Variants in CNTNAP2 observed in about 807,000 individuals in gnomAD.
CNTNAP2 encodes contactin-associated protein-like 2.
In CNTNAP2, 98 loss-of-function variants were observed where a neutral mutation model predicts 155.2. The ratio of observed to expected loss-of-function variants is 0.63; its 90% CI spans 0.54 to 0.75. The LOEUF is 0.75. CNTNAP2 is among the 30% of genes least tolerant of loss of function. CNTNAP2 has a pLI of 0.00. For missense variants in CNTNAP2, 1,727 were observed against 1,688.1 expected (o/e 1.02, Z -0.40); for synonymous variants, 651 against 631.2 (o/e 1.03, Z -0.47).
intron 8 of CNTNAP2, among the ~76,000 whole-genome samples, chr7:147,247,414 G>A (rs1804091333): frequency 6.6e-6 from 1 of 152,044 alleles, no homozygotes; most frequent in South Asian, 2.1e-4. Flanking sequence ...ATTAATCTCT[G>A]TTCAATTTCC....
At chr7:147,816,146 C>T (rs1317430256) in intron 13 of CNTNAP2, among the ~76,000 whole-genome samples, 1 of 150,252 alleles carries the variant, frequency 6.7e-6, no homozygotes, top group African/African-American at 2.5e-5. Flanking sequence ...AATTTCCCAT[C>T]CACACAGGAG....
chr7:147,134,131 C>A (rs984966022), intron 8 of CNTNAP2, among the ~76,000 whole-genome samples: 1 of 151,968 alleles, frequency 6.6e-6, no homozygotes, highest in African/African-American at 2.4e-5. Flanking sequence ...AGTCTCTGAG[C>A]AAATCCGATT....
chr7:147,301,617 TG>T (rs1310816082), intron 9 of CNTNAP2, among the ~76,000 whole-genome samples: 3 of 140,614 alleles, frequency 2.1e-5, no homozygotes, highest in Admixed American at 2.1e-4. Context: ...TGTGTGTGTG[TG>T]TGTGTGTGTG....
At chr7:146,233,132 C>T (rs955018003) in intron 1 of CNTNAP2, among the ~76,000 whole-genome samples, 4 of 151,784 alleles carry the variant, frequency 2.6e-5, no homozygotes, top group African/African-American at 9.7e-5. Context: ...TAAGCACTAA[C>T]TAGAAATGTA....
At chr7:147,370,101 G>A (rs1796315924) in intron 9 of CNTNAP2, among the ~76,000 whole-genome samples, 1 of 152,074 alleles carries the variant, frequency 6.6e-6, no homozygotes, top group South Asian at 2.1e-4. Context: ...TCACCTCAGT[G>A]TATGGGTCAC....
rs141882469 is a variant in CNTNAP2 at position 146,689,924 on chromosome 7, C to T, written c.98-84347C>T. ...TAAGGTTTCAGTTTTTCTCATATGA[C>T]AGACCCCCTGTAGGAAGAGGAATGG... On this transcript the variant is annotated intron_variant, in intron 1 of 23. Transcript: ENST00000361727. 2.8e-3 allele frequency among the ~76,000 whole-genome samples: 433 copies of T among 152,018 alleles called. 1 individual carries two copies. The highest frequency in any genetic ancestry group is 1.0e-2 in the African/African-American group (413 of 41,496).
chr7:147,925,592 G>A (rs1027989858), intron 14 of CNTNAP2, among the ~76,000 whole-genome samples: 40 of 151,724 alleles, frequency 2.6e-4, no homozygotes, highest in African/African-American at 8.7e-4. Flanking sequence ...TCAGCCTCCC[G>A]AGTAGCTGGG....
At chr7:146,664,882 C>T (rs745884140) in intron 1 of CNTNAP2, among the ~76,000 whole-genome samples, 3 of 152,018 alleles carry the variant, frequency 2.0e-5, no homozygotes, top group African/African-American at 4.8e-5. Flanking sequence ...TTGCATGTGT[C>T]GACTTCATCC....
intron 1 of CNTNAP2, among the ~76,000 whole-genome samples, chr7:146,160,823 A>G (rs1174904054): frequency 1.3e-5 from 2 of 152,226 alleles, no homozygotes; most frequent in East Asian, 1.9e-4. Flanking sequence ...ATCAACAGAA[A>G]AAGAGGGAAT....
intron 3 of CNTNAP2, among the ~76,000 whole-genome samples, chr7:146,841,869 T>C (rs79961687): frequency 0.044 from 6,623 of 150,950 alleles, 377 homozygotes; most frequent in African/African-American, 0.12. Context: ...GATAAAATTG[T>C]TCAGCTTGTC....
At chr7:147,646,437 T>C (rs1167219762) in intron 13 of CNTNAP2, among the ~76,000 whole-genome samples, 1 of 152,166 alleles carries the variant, frequency 6.6e-6, no homozygotes, top group African/African-American at 2.4e-5. Flanking sequence ...AATTTTTTCT[T>C]CCTTGAAATT....
chr7:148,367,716 A>G (rs1798811055), intron 21 of CNTNAP2, among the ~76,000 whole-genome samples: 1 of 152,210 alleles, frequency 6.6e-6, no homozygotes, highest in Non-Finnish European at 1.5e-5. Flanking sequence ...CATATTTTAG[A>G]GGCGAGATTA....
chr7:147,802,180 GCGGCGGGGCAGAGGTGC>G (rs1321531677), intron 13 of CNTNAP2, among the ~76,000 whole-genome samples: 1 of 150,032 alleles, frequency 6.7e-6, no homozygotes, highest in African/African-American at 2.5e-5. Flanking sequence ...CCCAGACGGG[GCGGCGGGGCAGAGGTGC>G]TCCCCACATC....
chr7:147,743,451 C>T (rs769130067), intron 13 of CNTNAP2, among the ~76,000 whole-genome samples: 26 of 152,100 alleles, frequency 1.7e-4, no homozygotes, highest in Admixed American at 1.2e-3. Context: ...AGCAAATTTG[C>T]TTTGTCTTTC....
intron 12 of CNTNAP2, among the ~76,000 whole-genome samples, chr7:147,589,982 A>G (rs1800707107): frequency 6.6e-6 from 1 of 152,156 alleles, no homozygotes; most frequent in Non-Finnish European, 1.5e-5. Flanking sequence ...TGTTGGCTCT[A>G]TGGGCCTCAT....
In CNTNAP2 at chr7:146,634,093, C is replaced by T. The variant is rs553067973; in HGVS notation, c.98-140178C>T. Reference sequence around the variant, plus strand: ...CAACACTAGCTCCACACCACCCAACCACATCGTTTAAATTTCAGTTATTTT... The same window carrying T: ...CAACACTAGCTCCACACCACCCAACTACATCGTTTAAATTTCAGTTATTTT... On this transcript the variant is annotated intron_variant, in intron 1 of 23. Transcript: ENST00000361727. Among the ~76,000 whole-genome samples, 11 of 152,198 alleles carry T rather than the reference C, an allele frequency of 7.2e-5. No homozygotes were observed. In the South Asian group the frequency reaches 2.3e-3, roughly 32 times the overall value.
chr7:148,168,346 A>G (rs993846253), intron 17 of CNTNAP2, among the ~76,000 whole-genome samples: 20 of 152,160 alleles, frequency 1.3e-4, no homozygotes, highest in Non-Finnish European at 2.4e-4. Flanking sequence ...GATTAAGAAA[A>G]TGTGGCACAT....
At chr7:147,004,623 G>GTCA (rs1798491783) in intron 3 of CNTNAP2, among the ~76,000 whole-genome samples, 1 of 152,004 alleles carries the variant, frequency 6.6e-6, no homozygotes, top group Non-Finnish European at 1.5e-5. Flanking sequence ...TAGTTAAACT[G>GTCA]TCATCGTATG....
chr7:148,289,032 G>C (rs1797145838), intron 21 of CNTNAP2, among the ~76,000 whole-genome samples: 1 of 151,668 alleles, frequency 6.6e-6, no homozygotes, highest in Non-Finnish European at 1.5e-5. Context: ...AACTCAGGGT[G>C]GTGGGATTCC....
Sources: gnomAD v4.1 joint callset for allele counts (sites outside exome capture counted in the v4.1 genomes callset) on GRCh38, gnomAD v4.1.1 for gene constraint, MANE v1.5 for transcripts, NCBI Gene and HGNC (gene_info 2026-07-23, HGNC 2026-07-21) for gene names.